The following CAST variants were observed in gnomAD, a reference collection of about 807,000 sequenced individuals.
The protein encoded by CAST is calpastatin, also known as MIR583 host.
In CAST, 76 loss-of-function variants were observed where a neutral mutation model predicts 119.6. The observed-to-expected ratio is 0.64, with a 90% CI of 0.53 to 0.77. The LOEUF is 0.77. Ranked by LOEUF, CAST falls within the 30% of genes least tolerant of loss-of-function variation. The probability of loss-of-function intolerance (pLI) is 0.00; values close to 1 mark genes in which losing one functional copy is unlikely to be tolerated. For synonymous variants in CAST, 319 were observed against 331.6 expected (o/e 0.96, Z 0.41); for missense variants, 953 against 946.5 (o/e 1.01, Z -0.09).
At chr5:96,711,225 G>A (rs1043654147) in intron 3 of CAST, among the ~76,000 whole-genome samples, 2 of 152,076 alleles carry the variant, frequency 1.3e-5, no homozygotes, top group African/African-American at 4.8e-5. Context: ...CAATGTATGT[G>A]TAACTTCTCC....
chr5:96,341,000 T>C, the CAST span, among the ~76,000 whole-genome samples: 1 of 152,172 alleles, frequency 6.6e-6, no homozygotes, highest in East Asian at 1.9e-4. Context: ...TTCAGATGCA[T>C]ATGAAGTTAG....
chr5:96,557,425 A>C (rs868608934), intron 1 of CAST, among the ~76,000 whole-genome samples: 3 of 152,090 alleles, frequency 2.0e-5, no homozygotes, highest in African/African-American at 7.2e-5. Flanking sequence ...AAATTGGATA[A>C]ATAGTCAAGA....
At chr5:96,384,956 C>A in the CAST span, among the ~76,000 whole-genome samples, 1 of 152,152 alleles carries the variant, frequency 6.6e-6, no homozygotes, top group Non-Finnish European at 1.5e-5. Flanking sequence ...AACATACACA[C>A]CCCACACCAC....
chr5:96,663,860 A>G (rs189695646), intron 1 of CAST, among the ~76,000 whole-genome samples: 3 of 152,012 alleles, frequency 2.0e-5, no homozygotes, highest in East Asian at 1.9e-4. Context: ...TGTCCTGCCA[A>G]TTAGGTGTAA....
At chr5:96,485,969 C>G in the CAST span, among the ~76,000 whole-genome samples, 1 of 152,110 alleles carries the variant, frequency 6.6e-6, no homozygotes, top group Non-Finnish European at 1.5e-5. Context: ...TACCTAGAGA[C>G]AACTACAGAA....
the CAST span, among the ~76,000 whole-genome samples, chr5:96,303,339 C>T: frequency 6.6e-6 from 1 of 152,158 alleles, no homozygotes; most frequent in Non-Finnish European, 1.5e-5. Context: ...GACAGGGACA[C>T]AGAGACAAAT....
chr5:96,301,119 T>C, the CAST span, among the ~76,000 whole-genome samples: 6 of 152,258 alleles, frequency 3.9e-5, no homozygotes, highest in East Asian at 1.9e-4. Context: ...TAAGGAAACT[T>C]AGAATCATGG....
chr5:96,499,255 TTA>T, the CAST span, among the ~76,000 whole-genome samples: 1 of 152,180 alleles, frequency 6.6e-6, no homozygotes, highest in South Asian at 2.1e-4. Flanking sequence ...ATACTTTTCT[TTA>T]TATGAGCATA....
At chr5:96,762,554 A>T in intron 25 of CAST, 182 bp downstream of exon 25, 2 of 502,698 alleles carry the variant, frequency 4.0e-6, no homozygotes, top group East Asian at 6.3e-5. Flanking sequence ...CTTTGAAATG[A>T]TTAAATGAAA....
intron 1 of CAST, among the ~76,000 whole-genome samples, chr5:96,538,756 C>CTCAGCTGCATGATCTTTTTG (rs11272739): frequency 6.6e-6 from 1 of 151,376 alleles, no homozygotes; most frequent in Non-Finnish European, 1.5e-5. Flanking sequence ...ACACCGCTCC[C>CTCAGCTGCATGATCTTTTTG]TCAGAAATGA....
At chr5:96,623,641 T>A (rs1379338183) in intron 1 of CAST, among the ~76,000 whole-genome samples, 1 of 152,210 alleles carries the variant, frequency 6.6e-6, no homozygotes, top group Non-Finnish European at 1.5e-5. Flanking sequence ...GACATTATTT[T>A]AGCATACCTT....
chr5:96,461,625 C>A, the CAST span, among the ~76,000 whole-genome samples: 299 of 152,046 alleles, frequency 2.0e-3, no homozygotes, highest in African/African-American at 6.9e-3. Flanking sequence ...TAAAACATGC[C>A]TGGGTCTCTC....
the CAST span, among the ~76,000 whole-genome samples, chr5:95,997,683 T>C: frequency 2.8e-4 from 43 of 152,178 alleles, no homozygotes; most frequent in African/African-American, 8.9e-4. Context: ...AGTTCTGTCA[T>C]GCAATGTCCT....
intron 16 of CAST, chr5:96,743,771 C>T (rs779820774): frequency 7.2e-7 from 1 of 1,398,064 alleles, no homozygotes; most frequent in South Asian, 1.2e-5. Flanking sequence ...AGAAGGGAAA[C>T]TTGATTACAA....
At chr5:96,365,840 G>A in the CAST span, among the ~76,000 whole-genome samples, 2 of 152,106 alleles carry the variant, frequency 1.3e-5, no homozygotes, top group Non-Finnish European at 2.9e-5. Context: ...GGTTAATATT[G>A]TTATGTGTGA....
At chr5:96,105,122 A>C in the CAST span, among the ~76,000 whole-genome samples, 2 of 142,388 alleles carry the variant, frequency 1.4e-5, no homozygotes, top group East Asian at 2.0e-4. Flanking sequence ...TTATCAGCTT[A>C]AGGAGATTTT....
the CAST span, among the ~76,000 whole-genome samples, chr5:96,134,905 A>G: frequency 7.2e-5 from 11 of 152,208 alleles, no homozygotes; most frequent in African/African-American, 2.4e-4. Flanking sequence ...GACAACTTTG[A>G]ATAAAATATA....
At chr5:96,238,554 ATTT>A in the CAST span, among the ~76,000 whole-genome samples, 2 of 136,238 alleles carry the variant, frequency 1.5e-5, no homozygotes, top group Admixed American at 7.4e-5. Flanking sequence ...CACCTGGCTA[ATTT>A]TTTTTTTTTT....
chr5:96,699,717 G>C (rs1429650002), intron 3 of CAST, among the ~76,000 whole-genome samples: 1 of 152,202 alleles, frequency 6.6e-6, no homozygotes, highest in Non-Finnish European at 1.5e-5. Context: ...CTGGGGGTGT[G>C]AGTCTTCTGG....
Sources: allele counts gnomAD v4.1 joint callset (sites outside exome capture counted in the v4.1 genomes callset), GRCh38; gene constraint gnomAD v4.1.1; transcripts MANE v1.5; gene names NCBI Gene and HGNC (gene_info 2026-07-23, HGNC 2026-07-21).